GRM5: variants seen among roughly 807,000 people sequenced by gnomAD.
GRM5 encodes the protein glutamate metabotropic receptor 5.
Under a neutral mutation model 83.1 loss-of-function variants are expected in GRM5, and 19 were observed. The ratio of observed to expected loss-of-function variants is 0.23; its 90% CI spans 0.16 to 0.34. The LOEUF is 0.34. Among genes scored for constraint, GRM5 ranks in the 10% least tolerant of loss-of-function variants. GRM5 has a pLI of 1.00. For synonymous variants in GRM5, 675 were observed against 633.6 expected (o/e 1.07, Z -0.98); for missense variants, 1,160 against 1,588.3 (o/e 0.73, Z 4.58).
intron 2 of GRM5, among the ~76,000 whole-genome samples, chr11:88,942,757 C>T (rs1157756264): frequency 6.6e-6 from 1 of 151,480 alleles, no homozygotes; most frequent in Non-Finnish European, 1.5e-5. Context: ...TGGGACACAA[C>T]TGAAGTTTGA....
intron 3 of GRM5, among the ~76,000 whole-genome samples, chr11:88,835,287 T>A (rs1028354983): frequency 1.2e-4 from 18 of 152,176 alleles, no homozygotes; most frequent in Non-Finnish European, 2.2e-4. Context: ...ACAGTGTAGG[T>A]TACACTGTAA....
intron 2 of GRM5, among the ~76,000 whole-genome samples, chr11:88,947,239 T>C (rs1297651646): frequency 6.6e-6 from 1 of 152,152 alleles, no homozygotes; most frequent in Non-Finnish European, 1.5e-5. Flanking sequence ...TGCATTAATA[T>C]TTTGCTGTTC....
chr11:88,926,702 G>T (rs1182069178), intron 2 of GRM5, among the ~76,000 whole-genome samples: 1 of 152,062 alleles, frequency 6.6e-6, no homozygotes, highest in Non-Finnish European at 1.5e-5. Context: ...TGCTCCATTG[G>T]AACTAGACTT....
At chr11:88,648,633 C>A (rs1174840825) in intron 4 of GRM5, among the ~76,000 whole-genome samples, 3 of 88,624 alleles carry the variant, frequency 3.4e-5, no homozygotes, top group African/African-American at 1.1e-4. Flanking sequence ...TGCACATGTA[C>A]CCTAAAACTT....
At chr11:89,028,558 T>C (rs1169602302) in intron 2 of GRM5, among the ~76,000 whole-genome samples, 1 of 152,208 alleles carries the variant, frequency 6.6e-6, no homozygotes, top group Non-Finnish European at 1.5e-5. Flanking sequence ...ATCATGCAAC[T>C]GTACTCAGCC....
intron 3 of GRM5, among the ~76,000 whole-genome samples, chr11:88,822,287 G>C (rs111509086): frequency 1.3e-5 from 2 of 152,282 alleles, no homozygotes; most frequent in African/African-American, 4.8e-5. Flanking sequence ...GCTATACATA[G>C]TTGAGCTTAT....
intron 3 of GRM5, among the ~76,000 whole-genome samples, chr11:88,736,091 A>G (rs1941908337): frequency 6.6e-6 from 1 of 152,054 alleles, no homozygotes; most frequent in African/African-American, 2.4e-5. Flanking sequence ...TTATGTCCTT[A>G]GAAAAACCTG....
intron 3 of GRM5, among the ~76,000 whole-genome samples, chr11:88,698,563 T>C (rs531367058): frequency 5.9e-5 from 9 of 152,300 alleles, no homozygotes; most frequent in African/African-American, 2.2e-4. Context: ...ATTGGCTACG[T>C]ATGGATTCAA....
At chr11:88,982,278 T>C (rs986930540) in intron 2 of GRM5, among the ~76,000 whole-genome samples, 1 of 152,216 alleles carries the variant, frequency 6.6e-6, no homozygotes, top group Non-Finnish European at 1.5e-5. Context: ...TACTTGTTCA[T>C]TTATGTGAAC....
intron 2 of GRM5, among the ~76,000 whole-genome samples, chr11:88,974,582 A>G (rs116231685): frequency 0.049 from 7,515 of 152,252 alleles, 616 homozygotes; most frequent in African/African-American, 0.17. Context: ...CAGCTTTATT[A>G]GAGCATAGTC....
chr11:88,657,670 AG>A (rs1302452296), intron 3 of GRM5, among the ~76,000 whole-genome samples: 2 of 152,156 alleles, frequency 1.3e-5, no homozygotes, highest in Non-Finnish European at 2.9e-5. Context: ...AACTCATGAA[AG>A]CTTAATTTTT....
intron 3 of GRM5, among the ~76,000 whole-genome samples, chr11:88,699,080 C>A (rs115245767): frequency 0.014 from 1,894 of 135,388 alleles, 43 homozygotes; most frequent in African/African-American, 0.05. Flanking sequence ...ATTAGTCTCC[C>A]ATTCCGACAA....
Position 88,604,572 on chromosome 11 carries a change from T to C in GRM5, c.1394+146A>G, listed in dbSNP as rs948024577. 40 of 694,510 alleles carry C rather than the reference T, an allele frequency of 5.8e-5. No individual in the cohort carries two copies. In the African/African-American group the frequency reaches 6.4e-4, roughly 11 times the overall value. 43.0% of individuals were successfully genotyped at this position (694,510 alleles called of 1,614,324 possible). A position where few individuals can be genotyped will look rare whatever the true frequency, so the allele number is the denominator to read the frequency against. On this transcript the variant is annotated intron_variant, in intron 5 of 9. Coordinates refer to ENST00000305447, the MANE Select transcript of GRM5 (RefSeq NM_001143831.3). ...CACAGGAAATGGGGCTTCTTCTCTC[T>C]ATCTTTGCTCATTTGGGATGTCAGG...
chr11:88,627,753 A>T (rs978364226), intron 4 of GRM5, among the ~76,000 whole-genome samples: 38 of 152,128 alleles, frequency 2.5e-4, no homozygotes, highest in Non-Finnish European at 5.0e-4. Flanking sequence ...CTGTCACCTA[A>T]CAATAACTTC....
chr11:88,551,273 C>A (rs1942500534), intron 8 of GRM5, among the ~76,000 whole-genome samples: 2 of 152,106 alleles, frequency 1.3e-5, no homozygotes, highest in Non-Finnish European at 2.9e-5. Context: ...CTCCACTTTC[C>A]CTTCTGTGGG....
intron 3 of GRM5, among the ~76,000 whole-genome samples, chr11:88,778,487 C>A (rs1340166206): frequency 6.6e-6 from 1 of 152,220 alleles, no homozygotes; most frequent in Non-Finnish European, 1.5e-5. Context: ...CCAGTGAGAT[C>A]AACCAGGCAC....
intron 8 of GRM5, among the ~76,000 whole-genome samples, chr11:88,529,689 C>A (rs559133468): frequency 6.6e-6 from 1 of 151,902 alleles, no homozygotes; most frequent in Non-Finnish European, 1.5e-5. Context: ...TAGAGAAATA[C>A]TACTACAGTT....
chr11:88,749,687 C>T (rs1309899656), intron 3 of GRM5, among the ~76,000 whole-genome samples: 4 of 152,092 alleles, frequency 2.6e-5, no homozygotes, highest in East Asian at 3.9e-4. Context: ...TAAGGACAGC[C>T]GGAGAGAAAG....
At chr11:89,018,586 G>C (rs1475115897) in intron 2 of GRM5, among the ~76,000 whole-genome samples, 1 of 152,164 alleles carries the variant, frequency 6.6e-6, no homozygotes, top group South Asian at 2.1e-4. Context: ...GAGGCACTGG[G>C]ATACGGAAAT....
Sources: gnomAD v4.1 joint callset for allele counts (sites outside exome capture counted in the v4.1 genomes callset) on GRCh38, gnomAD v4.1.1 for gene constraint, MANE v1.5 for transcripts, NCBI Gene and HGNC (gene_info 2026-07-23, HGNC 2026-07-21) for gene names.